RBX1: variants seen among roughly 807,000 people sequenced by gnomAD.
RBX1 encodes the protein ring-box 1.
For synonymous variants in RBX1, 48 were observed against 47.9 expected (o/e 1.00, Z -0.01); for missense variants, 46 against 141.4 (o/e 0.33, Z 3.42).
chr22:40,956,394 CTTTTT>C (rs552394610), intron 2 of RBX1, among the ~76,000 whole-genome samples: 1 of 135,418 alleles, frequency 7.4e-6, no homozygotes, highest in Non-Finnish European at 1.6e-5. Context: ...AGGTCTTTAC[CTTTTT>C]TTTTTTTTTT....
At chr22:40,966,929 A>G (rs2058355908) in intron 3 of RBX1, 1 of 152,190 alleles carries the variant, frequency 6.6e-6, no homozygotes, top group Non-Finnish European at 1.5e-5. Context: ...TGTGATTAGC[A>G]TCTGCATGTC....
At chr22:40,962,269 C>T (rs2058342808) in intron 2 of RBX1, among the ~76,000 whole-genome samples, 1 of 151,746 alleles carries the variant, frequency 6.6e-6, no homozygotes, top group African/African-American at 2.4e-5. Context: ...GCACCACTAA[C>T]TTTTGTATTT....
chr22:40,954,820 G>A (rs117389145), intron 2 of RBX1, among the ~76,000 whole-genome samples: 6,164 of 151,298 alleles, frequency 0.041, 205 homozygotes, highest in Non-Finnish European at 0.056. Context: ...ATTCTGAGAT[G>A]GAGTCGCCCA....
At chr22:40,953,503 A>G (rs1198445601) in intron 1 of RBX1, 52 bp from the exon 2 acceptor site, 5 of 1,178,258 alleles carry the variant, frequency 4.2e-6, no homozygotes, top group Non-Finnish European at 6.4e-6. Context: ...CCTAAAGAGT[A>G]TGTGTGTGTG....
chr22:40,962,393 C>T (rs2146300735), intron 2 of RBX1, among the ~76,000 whole-genome samples: 1 of 152,120 alleles, frequency 6.6e-6, no homozygotes, highest in Non-Finnish European at 1.5e-5. Context: ...CCACTTTCCA[C>T]ATTTTCGAAG....
At chr22:40,956,963 A>G (rs1030732459) in intron 2 of RBX1, among the ~76,000 whole-genome samples, 4 of 152,018 alleles carry the variant, frequency 2.6e-5, no homozygotes, top group Admixed American at 6.6e-5. Flanking sequence ...TGAACCCAGG[A>G]GGCGGAGGTT....
Position 40,964,769 on chromosome 22 carries a change from TACTC to T in RBX1, c.228+655_228+658del, listed in dbSNP as rs1157751132. 2.6e-5 allele frequency among the ~76,000 whole-genome samples: 4 copies of T among 152,186 alleles called. No individual in the cohort carries two copies. In the East Asian group the frequency reaches 7.7e-4, roughly 29 times the overall value. On this transcript the variant is annotated intron_variant, in intron 3 of 4. Coordinates refer to ENST00000216225, the MANE Select transcript of RBX1 (RefSeq NM_014248.4). The stretch of plus-strand genomic sequence containing the variant: ...GGCCTCCTGTGTCATGGGGACAGAA[TACTC>T]ACAGTTCCCAGCATGACACAGGGAT...
chr22:40,952,557 T>G (rs1446977861), intron 1 of RBX1, among the ~76,000 whole-genome samples: 1 of 152,164 alleles, frequency 6.6e-6, no homozygotes, highest in Non-Finnish European at 1.5e-5. Context: ...GCACTGAGAA[T>G]GGGGTTTGAA....
At chr22:40,955,872 T>C (rs1484863627) in intron 2 of RBX1, among the ~76,000 whole-genome samples, 1 of 152,202 alleles carries the variant, frequency 6.6e-6, no homozygotes, top group African/African-American at 2.4e-5. Context: ...ATGTTTAATA[T>C]AGATGCCGTG....
At position 40,963,933 on chromosome 22, in the gene RBX1, A is replaced by C; in HGVS notation, c.158-114A>C. Reference sequence around the variant, plus strand: ...GTCTTCTCTGTTCTTCCTTTCCCACATTCATTAAAAAACAATTATGGCTAA... The same window carrying C: ...GTCTTCTCTGTTCTTCCTTTCCCACCTTCATTAAAAAACAATTATGGCTAA... On this transcript the variant is annotated intron_variant, in intron 2 of 4. Coordinates refer to ENST00000216225, the MANE Select transcript of RBX1 (RefSeq NM_014248.4). 4.0e-6 allele frequency: 3 copies of C among 750,702 alleles called. No homozygotes were observed. In the South Asian group the frequency reaches 4.6e-5, roughly 11 times the overall value. The allele number at this position is 750,702 out of a possible 1,614,324, so 46.5% of individuals were successfully genotyped here.
At chr22:40,959,778 T>C (rs1054411585) in intron 2 of RBX1, among the ~76,000 whole-genome samples, 6 of 151,972 alleles carry the variant, frequency 3.9e-5, no homozygotes, top group Admixed American at 1.3e-4. Context: ...ACCAGTGCCC[T>C]CCGGCCTGGG....
At chr22:40,967,714 A>G in intron 3 of RBX1, 85 bp from the exon 4 acceptor site, 4 of 1,030,656 alleles carry the variant, frequency 3.9e-6, no homozygotes, top group Non-Finnish European at 5.9e-6. Flanking sequence ...TATGTCACCC[A>G]TGCCACTACC....
chr22:40,953,594 G>T lies in RBX1; in HGVS notation c.118G>T (p.Asp40Tyr). 1 of 1,611,264 alleles carries T rather than the reference G, an allele frequency of 6.2e-7. No homozygotes were observed. Among genetic ancestry groups the T allele is most frequent in the South Asian group, 1.1e-5 (1 of 90,984 alleles). Residue 40 changes from aspartate (D) to tyrosine (Y), a missense_variant, in exon 2 of 5, where the codon GAT becomes TAT. Transcript: ENST00000216225. ...VALWAWDIVV[D>Y]NCAICRNHIM... ...CCTCTGGGCCTGGGATATTGTGGTT[G>T]ATAACTGTGCCATCTGCAGGAACCA... is the stretch of plus-strand genomic sequence containing the variant.
At chr22:40,967,251 T>A (rs1015736054) in intron 3 of RBX1, 3 of 152,484 alleles carry the variant, frequency 2.0e-5, no homozygotes, top group Non-Finnish European at 2.9e-5. Flanking sequence ...ATAAAGTTTC[T>A]TTGACCAGAG....
intron 2 of RBX1, among the ~76,000 whole-genome samples, chr22:40,956,394 C>CTT (rs552394610): frequency 1.9e-4 from 26 of 135,410 alleles, no homozygotes; most frequent in Non-Finnish European, 3.2e-4. Flanking sequence ...AGGTCTTTAC[C>CTT]TTTTTTTTTT....
chr22:40,953,532 G>C lies in RBX1; in HGVS notation c.79-23G>C, dbSNP rs749917855. The stretch of plus-strand genomic sequence containing the variant: ...GTGTGTGTTACAAGCAGAATGCACT[G>C]TTCCCTCTTTTTGTCTTTGCAGTGG... On this transcript the variant is annotated intron_variant, in intron 1 of 4. Transcript: ENST00000216225. 6 of 1,527,780 alleles carry C rather than the reference G, an allele frequency of 3.9e-6. No homozygotes were observed. The African/African-American group carries it at 8.2e-5, about 21-fold the overall frequency. 94.6% of individuals were successfully genotyped at this position (1,527,780 alleles called of 1,614,324 possible).
chr22:40,951,842 T>C (rs551415374), intron 1 of RBX1, among the ~76,000 whole-genome samples: 2 of 151,874 alleles, frequency 1.3e-5, no homozygotes, highest in Non-Finnish European at 2.9e-5. Flanking sequence ...TCGAAGCGAA[T>C]GCGGCGGTGG....
chr22:40,962,529 T>G (rs1333333731), intron 2 of RBX1, among the ~76,000 whole-genome samples: 1 of 147,926 alleles, frequency 6.8e-6, no homozygotes, highest in African/African-American at 2.5e-5. Context: ...AGAGTCTCAC[T>G]GTGTCACCCA....
rs1388409352 is a variant in RBX1, at chr22:40,972,710, G to A, written c.*222G>A. On this transcript the variant is annotated 3_prime_UTR_variant, in exon 5 of 5. Transcript: ENST00000216225. ...TGTGAACAAAGTGAACATAAATGAA[G>A]AGTCTCCCCTTCCAAGGCTGAAAAC... The A allele has an allele frequency of 1.2e-5, 6 of 503,202 alleles. No individual in the cohort carries two copies. Among genetic ancestry groups the A allele is most frequent in the Non-Finnish European group, 2.2e-5 (6 of 277,298 alleles). The allele number at this position is 503,202 out of a possible 1,614,324, so 31.2% of individuals were successfully genotyped here.
Sources: gnomAD v4.1 joint callset for allele counts (sites outside exome capture counted in the v4.1 genomes callset) on GRCh38, gnomAD v4.1.1 for gene constraint, MANE v1.5 for transcripts, NCBI Gene and HGNC (gene_info 2026-07-23, HGNC 2026-07-21) for gene names.